The following BTBD7 variants were observed in gnomAD, a reference collection of about 807,000 sequenced individuals.
BTBD7 encodes BTB domain containing 7.
Under a neutral mutation model 99.9 loss-of-function variants are expected in BTBD7, and 38 were observed. The observed-to-expected ratio is 0.38, with a 90% CI of 0.29 to 0.50. The LOEUF (loss-of-function observed/expected upper bound fraction) is 0.50. Ranked by LOEUF, BTBD7 falls within the 20% of genes least tolerant of loss-of-function variation. The pLI is 0.93. For missense variants in BTBD7, 1,170 were observed against 1,394.6 expected (o/e 0.84, Z 2.57); for synonymous variants, 520 against 511.4 (o/e 1.02, Z -0.23).
intron 1 of BTBD7, among the ~76,000 whole-genome samples, chr14:93,305,725 T>C (rs1025043466): frequency 6.6e-6 from 1 of 152,262 alleles, no homozygotes; most frequent in Non-Finnish European, 1.5e-5. Context: ...AAGCTTGTCT[T>C]AGTCTGTTTT....
At chr14:93,329,361 AC>A (rs1175123013) in intron 1 of BTBD7, among the ~76,000 whole-genome samples, 3 of 152,146 alleles carry the variant, frequency 2.0e-5, no homozygotes, top group South Asian at 2.1e-4. Flanking sequence ...GGAAAAAAAA[AC>A]CCAAACAGCA....
chr14:93,269,062 A>G (rs2052573828), intron 3 of BTBD7, among the ~76,000 whole-genome samples: 1 of 152,146 alleles, frequency 6.6e-6, no homozygotes, highest in Non-Finnish European at 1.5e-5. Context: ...CCCAGCTCTA[A>G]CTTAGGACTT....
At chr14:93,279,985 T>C (rs1422302434) in intron 3 of BTBD7, among the ~76,000 whole-genome samples, 1 of 152,246 alleles carries the variant, frequency 6.6e-6, no homozygotes, top group Non-Finnish European at 1.5e-5. Flanking sequence ...ATAGACCTAA[T>C]GTGATGATCA....
At chr14:93,303,848 G>A (rs1029058181) in intron 1 of BTBD7, among the ~76,000 whole-genome samples, 17 of 152,196 alleles carry the variant, frequency 1.1e-4, no homozygotes, top group Non-Finnish European at 1.6e-4. Context: ...CCCCCCACCA[G>A]AGGAAGGCCT....
intron 1 of BTBD7, among the ~76,000 whole-genome samples, chr14:93,319,367 A>T (rs912142259): frequency 1.3e-5 from 2 of 152,248 alleles, no homozygotes; most frequent in Admixed American, 6.5e-5. Context: ...ATGTGGAAAC[A>T]ACCTAAATAT....
At chr14:93,258,365 G>A (rs907873366) in intron 5 of BTBD7, among the ~76,000 whole-genome samples, 3 of 151,722 alleles carry the variant, frequency 2.0e-5, no homozygotes, top group Non-Finnish European at 2.9e-5. Flanking sequence ...ACTTATTTAA[G>A]GCATTCTGCT....
At chr14:93,313,188 T>C (rs907133111) in intron 1 of BTBD7, among the ~76,000 whole-genome samples, 1 of 152,198 alleles carries the variant, frequency 6.6e-6, no homozygotes, top group Non-Finnish European at 1.5e-5. Flanking sequence ...ACCCCTAAAA[T>C]AGTTTTCAGA....
intron 1 of BTBD7, among the ~76,000 whole-genome samples, chr14:93,299,665 G>C (rs867281788): frequency 6.6e-6 from 1 of 151,878 alleles, no homozygotes; most frequent in Non-Finnish European, 1.5e-5. Context: ...CTAACTGTGG[G>C]GTGGGGGCGG....
intron 3 of BTBD7, among the ~76,000 whole-genome samples, chr14:93,287,057 G>A (rs368036403): frequency 9.2e-5 from 14 of 151,914 alleles, no homozygotes; most frequent in Admixed American, 2.0e-4. Context: ...GCAGATCCCC[G>A]TCTCTACTAA....
Position 93,242,761 on chromosome 14 carries a change from C to G in BTBD7, c.2911G>C (p.Gly971Arg). Residue 971 changes from glycine (G) to arginine (R), a missense_variant, in exon 11 of 11, where the codon GGA (glycine) becomes CGA (arginine). Gly to Arg is a moderately radical substitution (Grantham distance 125). Transcript: ENST00000334746. Reference protein sequence around the residue: ...SRRTPSPSQGGYFGPDLYSHN... With the variant: ...SRRTPSPSQGRYFGPDLYSHN... The stretch of plus-strand genomic sequence containing the variant: ...CTGTACAGATCGGGACCAAAATATC[C>G]ACCTTGCGAAGGGGAAGGGGTGCGT... 2 of 1,614,176 alleles carry G rather than the reference C, an allele frequency of 1.2e-6. No individual in the cohort carries two copies. Among genetic ancestry groups the G allele is most frequent in the Non-Finnish European group, 8.5e-7 (1 of 1,180,044 alleles).
At chr14:93,316,911 AC>A (rs1438306622) in intron 1 of BTBD7, among the ~76,000 whole-genome samples, 1 of 152,192 alleles carries the variant, frequency 6.6e-6, no homozygotes, top group Non-Finnish European at 1.5e-5. Flanking sequence ...GGGAAAAAAA[AC>A]GTGAGATGAG....
At chr14:93,256,917 A>C (rs1481125092) in intron 6 of BTBD7, 3 of 367,448 alleles carry the variant, frequency 8.2e-6, no homozygotes, top group Admixed American at 8.9e-5. Flanking sequence ...GGTCTACTTG[A>C]TCTACACTTA....
intron 1 of BTBD7, among the ~76,000 whole-genome samples, chr14:93,324,426 A>AAAAAATAAAAAATT (rs1343044956): frequency 6.8e-6 from 1 of 147,004 alleles, no homozygotes; most frequent in African/African-American, 2.7e-5. Flanking sequence ...TGTCTCAAAA[A>AAAAAATAAAAAATT]AAAAAAAAAG....
intron 9 of BTBD7, 63 bp from the exon 10 acceptor site, chr14:93,246,349 A>G (rs908445593): frequency 1.3e-4 from 181 of 1,442,366 alleles, no homozygotes; most frequent in South Asian, 1.4e-4. Context: ...GTGGAAATTT[A>G]TAGGCTGAGA....
chr14:93,247,394 C>T (rs988592800), intron 9 of BTBD7, among the ~76,000 whole-genome samples: 1 of 152,106 alleles, frequency 6.6e-6, no homozygotes, highest in African/African-American at 2.4e-5. Context: ...GTCACCCAGG[C>T]TGGAGTGCAG....
intron 4 of BTBD7, among the ~76,000 whole-genome samples, 153 bp downstream of exon 4, chr14:93,263,629 TTTG>T (rs1197911365): frequency 1.3e-5 from 2 of 152,228 alleles, no homozygotes; most frequent in Admixed American, 1.3e-4. Context: ...CCAGAAGGCT[TTTG>T]TTGTACAACT....
At chr14:93,313,293 C>T (rs897517591) in intron 1 of BTBD7, among the ~76,000 whole-genome samples, 1 of 152,152 alleles carries the variant, frequency 6.6e-6, no homozygotes, top group African/African-American at 2.4e-5. Flanking sequence ...ATAGTCAAGT[C>T]AGAAAACATT....
chr14:93,273,235 C>T (rs1399411277), intron 3 of BTBD7, among the ~76,000 whole-genome samples: 1 of 152,110 alleles, frequency 6.6e-6, no homozygotes, highest in African/African-American at 2.4e-5. Flanking sequence ...TATCAGATCA[C>T]CAATCATGGT....
chr14:93,305,729 C>A (rs970750770), intron 1 of BTBD7, among the ~76,000 whole-genome samples: 5 of 152,186 alleles, frequency 3.3e-5, no homozygotes, highest in African/African-American at 1.2e-4. Context: ...TTGTCTTAGT[C>A]TGTTTTCTGT....
Sources: gnomAD v4.1 joint callset for allele counts (sites outside exome capture counted in the v4.1 genomes callset) on GRCh38, gnomAD v4.1.1 for gene constraint, MANE v1.5 for transcripts, NCBI Gene and HGNC (gene_info 2026-07-23, HGNC 2026-07-21) for gene names.